The following ADGRL3 variants were observed in gnomAD, a reference collection of about 807,000 sequenced individuals.
ADGRL3 encodes adhesion G protein-coupled receptor L3, also known as calcium-independent alpha-latrotoxin receptor 3.
A neutral mutation model predicts 153.5 loss-of-function variants in ADGRL3; 62 were observed. The ratio of observed to expected loss-of-function variants is 0.40; its 90% CI spans 0.33 to 0.50. The LOEUF is 0.50. ADGRL3 is among the 20% of genes least tolerant of loss of function. ADGRL3 has a pLI of 0.47. For missense variants in ADGRL3, 1,641 were observed against 1,859.4 expected (o/e 0.88, Z 2.16); for synonymous variants, 710 against 672.5 (o/e 1.06, Z -0.86).
chr4:61,980,474 C>CT (rs2099064291), intron 18 of ADGRL3, among the ~76,000 whole-genome samples: 2 of 151,774 alleles, frequency 1.3e-5, no homozygotes, highest in South Asian at 4.2e-4. Context: ...AGGTCTCACT[C>CT]TGTCATTCAC....
At chr4:61,857,202 G>A (rs192428161) in intron 9 of ADGRL3, among the ~76,000 whole-genome samples, 2 of 151,644 alleles carry the variant, frequency 1.3e-5, no homozygotes, top group East Asian at 3.9e-4. Flanking sequence ...AAAGTACTGG[G>A]CTTGCAGGCA....
At chr4:61,221,266 A>G (rs1460924414) in intron 1 of ADGRL3, among the ~76,000 whole-genome samples, 1 of 152,206 alleles carries the variant, frequency 6.6e-6, no homozygotes, top group African/African-American at 2.4e-5. Context: ...GCATAATAAA[A>G]TAGTATAGTT....
intron 2 of ADGRL3, among the ~76,000 whole-genome samples, chr4:61,395,148 C>T (rs1010213933): frequency 1.3e-5 from 2 of 151,760 alleles, no homozygotes; most frequent in South Asian, 2.1e-4. Context: ...TTGTCAGTTC[C>T]GGGACAATCT....
intron 1 of ADGRL3, among the ~76,000 whole-genome samples, chr4:61,258,638 A>G (rs10446785): frequency 0.23 from 35,236 of 152,138 alleles, 4,316 homozygotes; most frequent in South Asian, 0.35. Context: ...GTCAGTGTAT[A>G]CATTATATAC....
intron 4 of ADGRL3, among the ~76,000 whole-genome samples, chr4:61,567,777 G>C (rs1486414214): frequency 6.6e-6 from 1 of 152,166 alleles, no homozygotes; most frequent in Admixed American, 6.6e-5. Flanking sequence ...GGAAAATAGA[G>C]TATGTATCTT....
At chr4:61,799,551 C>G (rs577594265) in intron 8 of ADGRL3, among the ~76,000 whole-genome samples, 2 of 152,096 alleles carry the variant, frequency 1.3e-5, no homozygotes, top group African/African-American at 4.8e-5. Flanking sequence ...CTGACCCCTA[C>G]TCTATGAAAT....
chr4:61,685,020 C>A (rs2095416440), intron 6 of ADGRL3, among the ~76,000 whole-genome samples: 1 of 151,730 alleles, frequency 6.6e-6, no homozygotes, highest in Non-Finnish European at 1.5e-5. Context: ...TCAAGTAATT[C>A]TCCCCCTCAG....
At chr4:61,447,143 A>G (rs1031290595) in intron 2 of ADGRL3, among the ~76,000 whole-genome samples, 15 of 152,120 alleles carry the variant, frequency 9.9e-5, no homozygotes, top group Admixed American at 5.2e-4. Flanking sequence ...TAATCTTCTC[A>G]TAAACACCAG....
chr4:61,924,640 C>G (rs2098786571), intron 13 of ADGRL3, among the ~76,000 whole-genome samples: 1 of 152,178 alleles, frequency 6.6e-6, no homozygotes, highest in Non-Finnish European at 1.5e-5. Context: ...TTACTCCAAA[C>G]ACATGCCGTT....
At position 62,075,490 on chromosome 4, in the gene ADGRL3, T is replaced by G. The variant is rs1052277070; in HGVS notation, c.*4582T>G. 3.3e-5 allele frequency: 5 copies of G among 152,182 alleles called. No homozygotes were observed. Among genetic ancestry groups the G allele is most frequent in the African/African-American group, 1.2e-4 (5 of 41,450 alleles). 9.4% of individuals were successfully genotyped at this position (152,182 alleles called of 1,614,324 possible). The stretch of plus-strand genomic sequence containing the variant: ...AAATCTGAAGATATTGGCATGAATA[T>G]CCTTTCTTCTCTAAGAAAATTTTTG... On this transcript the variant is annotated 3_prime_UTR_variant, in exon 27 of 27. Coordinates refer to ENST00000683033, the MANE Select transcript of ADGRL3 (RefSeq NM_001387552.1).
rs1463168456 is a variant in ADGRL3, at chr4:61,200,406, G to A, written c.-1599G>A. Among the ~76,000 whole-genome samples the A allele has an allele frequency of 6.6e-6, 1 of 151,658 alleles. No individual in the cohort carries two copies. Among genetic ancestry groups the A allele is most frequent in the East Asian group, 2.0e-4 (1 of 5,042 alleles). ...TCCCCGCGCGCCCGCGCTCTGACCCGCTGTCTGCGCGTCGCCCCCCTCGCC... is the reference window on the plus strand; with the variant it reads ...TCCCCGCGCGCCCGCGCTCTGACCCACTGTCTGCGCGTCGCCCCCCTCGCC... On this transcript the variant is annotated 5_prime_UTR_variant, in exon 1 of 27. Coordinates refer to ENST00000683033, the MANE Select transcript of ADGRL3 (RefSeq NM_001387552.1).
At chr4:61,651,584 TTG>T (rs1256968552) in intron 5 of ADGRL3, among the ~76,000 whole-genome samples, 1 of 151,834 alleles carries the variant, frequency 6.6e-6, no homozygotes, top group Non-Finnish European at 1.5e-5. Context: ...TAAATTTTTT[TTG>T]TGTGTTTGTT....
chr4:61,250,134 A>T (rs1758675310), intron 1 of ADGRL3, among the ~76,000 whole-genome samples: 1 of 152,268 alleles, frequency 6.6e-6, no homozygotes, highest in East Asian at 1.9e-4. Context: ...ATAACTAAGA[A>T]TTGAGGATCA....
intron 6 of ADGRL3, among the ~76,000 whole-genome samples, chr4:61,701,404 GAT>G (rs1186687228): frequency 6.7e-6 from 1 of 148,376 alleles, no homozygotes; most frequent in Non-Finnish European, 1.5e-5. Context: ...AACATAATAA[GAT>G]ATCAGAAGCA....
chr4:61,653,170 T>TCTCACA (rs1212952330), intron 5 of ADGRL3, among the ~76,000 whole-genome samples: 4 of 90,966 alleles, frequency 4.4e-5, no homozygotes, highest in African/African-American at 1.3e-4. Flanking sequence ...TCTCTCTCTC[T>TCTCACA]CACACACACA....
chr4:62,062,796 A>G (rs762169069), intron 25 of ADGRL3, among the ~76,000 whole-genome samples: 8 of 152,150 alleles, frequency 5.3e-5, no homozygotes, highest in Non-Finnish European at 8.8e-5. Flanking sequence ...ATATATGTGT[A>G]TATTGCTTGA....
chr4:61,382,808 A>T (rs2096686417), intron 1 of ADGRL3, among the ~76,000 whole-genome samples: 1 of 151,802 alleles, frequency 6.6e-6, no homozygotes, highest in Non-Finnish European at 1.5e-5. Flanking sequence ...AGAAATAGGG[A>T]CATTTCTTGG....
chr4:61,808,980 T>C (rs984503580), intron 8 of ADGRL3, among the ~76,000 whole-genome samples: 1 of 152,038 alleles, frequency 6.6e-6, no homozygotes, highest in African/African-American at 2.4e-5. Flanking sequence ...AATGATAATA[T>C]TATTAAAAAC....
rs544048361 is a variant in ADGRL3 at position 61,261,956 on chromosome 4, T to G, written c.-240+60191T>G. Among the ~76,000 whole-genome samples, 41 of 152,202 alleles carry G rather than the reference T, an allele frequency of 2.7e-4. No individual in the cohort carries two copies. In the South Asian group the frequency reaches 8.3e-3, roughly 31 times the overall value. On this transcript the variant is annotated intron_variant, in intron 1 of 26. Transcript: ENST00000683033. The stretch of plus-strand genomic sequence containing the variant: ...AACTGAGTTCAGTAGGGTTAGAGCT[T>G]AGACTTCAAGGGGAGTTAGAGATGT...
Sources: gnomAD v4.1 joint callset for allele counts (sites outside exome capture counted in the v4.1 genomes callset) on GRCh38, gnomAD v4.1.1 for gene constraint, MANE v1.5 for transcripts, NCBI Gene and HGNC (gene_info 2026-07-23, HGNC 2026-07-21) for gene names.